GNG10: variants seen among roughly 807,000 people sequenced by gnomAD.
The protein encoded by GNG10 is G protein subunit gamma 10.
GNG10 carries 7 observed loss-of-function variants against 6.8 expected under a neutral mutation model. The observed-to-expected ratio is 1.02, with a 90% CI of 0.58 to 1.92. GNG10 has a LOEUF of 1.92. Ranked by LOEUF, GNG10 falls within the 30% of genes most tolerant of loss-of-function variation. GNG10 has a pLI of 0.00. For synonymous variants in GNG10, 28 were observed against 34.8 expected, an observed-to-expected ratio of 0.80 and a Z score of 0.69; for missense variants, 57 against 86.1, an observed-to-expected ratio of 0.66 and a Z score of 1.34.
intron 2 of GNG10, among the ~76,000 whole-genome samples, chr9:111,668,718 G>C (rs10124117): frequency 0.43 from 65,669 of 151,850 alleles, 15,817 homozygotes; most frequent in African/African-American, 0.66. Flanking sequence ...CTCCTGACCT[G>C]AGGTGACCTG....
rs1830826572 is a variant in GNG10, at chr9:111,661,939, G to T, written c.81+224G>T. 6.6e-6 allele frequency among the ~76,000 whole-genome samples: 1 copy of T among 151,856 alleles called. No homozygotes were observed. The highest frequency in any genetic ancestry group is 1.5e-5 in the Non-Finnish European group (1 of 67,918). ...CCTGGGGGGCCCCGCGGTCGTGGTC[G>T]GTCCCGGTCCCTGGGGGTGCGCCCA... On this transcript the variant is annotated intron_variant, in intron 1 of 2. Coordinates refer to ENST00000374293, the MANE Select transcript of GNG10 (RefSeq NM_001017998.4). The surrounding 1 kb of genome is among the most constrained non-coding windows in gnomAD (Gnocchi z 6.1).
chr9:111,666,700 TG>T, intron 1 of GNG10, 114 bp from the exon 2 acceptor site: 1 of 1,414,702 alleles, frequency 7.1e-7, no homozygotes, highest in Non-Finnish European at 9.3e-7. Flanking sequence ...AAGAGACTTT[TG>T]GAGGTCACAA....
Position 111,666,869 on chromosome 9 carries a change from G to A in GNG10, c.136G>A (p.Asp46Asn). 6.2e-7 allele frequency: 1 copy of A among 1,613,896 alleles called. No individual in the cohort carries two copies. The highest frequency in any genetic ancestry group is 8.5e-7 in the Non-Finnish European group (1 of 1,179,890). ...QQYCMQNACKDALLVGVPAGS... is the reference protein window; with the variant it reads ...QQYCMQNACKNALLVGVPAGS... ...GTACTGTATGCAGAATGCCTGCAAG[G>A]ATGCCCTGCTGGTGGGTGTTCCAGC... The change falls in exon 2 of 3, where the codon GAT becomes AAT. Residue 46 changes from aspartate to asparagine, a missense_variant. Asp to Asn is a conservative substitution (Grantham distance 23). Coordinates refer to ENST00000374293, the MANE Select transcript of GNG10 (RefSeq NM_001017998.4).
intron 1 of GNG10, among the ~76,000 whole-genome samples, chr9:111,662,147 G>A (rs1830831446): frequency 6.6e-6 from 1 of 152,160 alleles, no homozygotes; most frequent in Admixed American, 6.5e-5. Context: ...TCGTGACAGG[G>A]TGGACGGCGC....
intron 2 of GNG10, 91 bp downstream of exon 2, chr9:111,667,037 T>C: frequency 6.6e-7 from 1 of 1,523,352 alleles, no homozygotes; most frequent in Middle Eastern, 1.8e-4. Context: ...GAATGTCTCC[T>C]ATTCTTGGGG....
intron 1 of GNG10, among the ~76,000 whole-genome samples, chr9:111,665,331 C>T (rs1034279686): frequency 2.0e-5 from 3 of 152,134 alleles, no homozygotes; most frequent in African/African-American, 7.2e-5. Flanking sequence ...TTTTTGCTGC[C>T]TGACAAACCA....
chr9:111,666,924 C>T lies in GNG10; in HGVS notation c.191C>T (p.Ser64Phe). ...AGSNPFREPR[S>F]CALL The stretch of plus-strand genomic sequence containing the variant: ...AGTAACCCCTTCCGGGAGCCTAGAT[C>T]CTGTGCTTTACTCTGAAGACTCGTG... The change falls in exon 2 of 3, where the codon TCC becomes TTC. Residue 64 changes from serine to phenylalanine, a missense_variant. Coordinates refer to ENST00000374293, the MANE Select transcript of GNG10 (RefSeq NM_001017998.4). 6.2e-7 allele frequency: 1 copy of T among 1,614,106 alleles called. No homozygotes were observed. Among genetic ancestry groups the T allele is most frequent in the Non-Finnish European group, 8.5e-7 (1 of 1,179,992 alleles).
chr9:111,666,829 T>A lies in GNG10; in HGVS notation c.96T>A (p.Ala32=). The A allele has an allele frequency of 6.2e-7, 1 of 1,612,924 alleles. No homozygotes were observed. Among genetic ancestry groups the A allele is most frequent in the South Asian group, 1.1e-5 (1 of 91,024 alleles). The change falls in exon 2 of 3, where the codon GCT becomes GCA. Residue 32 remains alanine, a synonymous_variant. Coordinates refer to ENST00000374293, the MANE Select transcript of GNG10 (RefSeq NM_001017998.4). ...GVERIKVSQA[A]AELQQYCMQN... ...CTTTGTTTCAGGTCTCTCAGGCAGCTGCAGAGCTTCAACAGTACTGTATGC... is the reference window on the plus strand; with the variant it reads ...CTTTGTTTCAGGTCTCTCAGGCAGCAGCAGAGCTTCAACAGTACTGTATGC...
chr9:111,667,877 C>T (rs1465369050), intron 2 of GNG10, among the ~76,000 whole-genome samples: 2 of 151,954 alleles, frequency 1.3e-5, no homozygotes, highest in Non-Finnish European at 2.9e-5. Flanking sequence ...CCCTCATCGC[C>T]GAGACATCTT....
chr9:111,665,008 G>A (rs1830876620), intron 1 of GNG10, among the ~76,000 whole-genome samples: 1 of 152,058 alleles, frequency 6.6e-6, no homozygotes, highest in African/African-American at 2.4e-5. Flanking sequence ...ATTATATTAT[G>A]GTTTTATATT....
chr9:111,668,432 TCCCC>T (rs1830941390), intron 2 of GNG10, among the ~76,000 whole-genome samples: 1 of 44,834 alleles, frequency 2.2e-5, no homozygotes, highest in Non-Finnish European at 3.6e-5. Flanking sequence ...CCTTCTTCCC[TCCCC>T]TCCCCTCCCC....
intron 2 of GNG10, among the ~76,000 whole-genome samples, chr9:111,668,181 G>A (rs1589357925): frequency 6.6e-6 from 1 of 152,022 alleles, no homozygotes; most frequent in Non-Finnish European, 1.5e-5. Flanking sequence ...GAGGACAAGG[G>A]CATGAATTAT....
chr9:111,669,509 T>C lies in GNG10; in HGVS notation c.*247T>C, dbSNP rs1044571277. 5 of 151,374 alleles carry C rather than the reference T, an allele frequency of 3.3e-5. No individual in the cohort carries two copies. The highest frequency in any genetic ancestry group is 3.3e-4 in the Admixed American group (5 of 15,144). 9.4% of individuals were successfully genotyped at this position (151,374 alleles called of 1,614,324 possible). ...TTTTTTGTGCAAGTACTTTTATACA[T>C]AAGATAAACAAAAACCTTACCACCA... On this transcript the variant is annotated 3_prime_UTR_variant, in exon 3 of 3. Transcript: ENST00000374293.
chr9:111,661,753 C>A lies in GNG10; in HGVS notation c.81+38C>A. 1 of 1,224,840 alleles carries A rather than the reference C, an allele frequency of 8.2e-7. No individual in the cohort carries two copies. The highest frequency in any genetic ancestry group is 1.1e-6 in the Non-Finnish European group (1 of 948,206). The allele number at this position is 1,224,840 out of a possible 1,614,324, so 75.9% of individuals were successfully genotyped here. On this transcript the variant is annotated intron_variant, in intron 1 of 2. Transcript: ENST00000374293. The surrounding 1 kb of genome is among the most constrained non-coding windows in gnomAD (Gnocchi z 6.1). The stretch of plus-strand genomic sequence containing the variant: ...GGTACCCACGCTCCGGTCCTTCCGC[C>A]CGCGGGGCGTGAGAAGAGGAGGCCG...
chr9:111,665,653 C>T (rs1271136139), intron 1 of GNG10, among the ~76,000 whole-genome samples: 2 of 152,140 alleles, frequency 1.3e-5, no homozygotes, highest in Admixed American at 1.3e-4. Flanking sequence ...GGTGCAGAGA[C>T]TCTTGAGGAC....
chr9:111,666,031 A>G (rs1475107), intron 1 of GNG10, among the ~76,000 whole-genome samples: 74,521 of 151,254 alleles, frequency 0.49, 19,488 homozygotes, highest in African/African-American at 0.68. Flanking sequence ...CACTGCGCCC[A>G]GCCACAGTCA....
Position 111,661,806 on chromosome 9 carries a change from A to T in GNG10, c.81+91A>T, listed in dbSNP as rs1830823459. The T allele has an allele frequency of 3.4e-5, 24 of 702,412 alleles. No homozygotes were observed. Among genetic ancestry groups the T allele is most frequent in the Non-Finnish European group, 4.6e-5 (24 of 526,364 alleles). The allele number at this position is 702,412 out of a possible 1,614,324, so 43.5% of individuals were successfully genotyped here. The stretch of plus-strand genomic sequence containing the variant: ...GGCCCGGACCGGGCGCCAGCGGGGG[A>T]CTCGGTGGCGGCGGCGAGGCCTCGG... On this transcript the variant is annotated intron_variant, in intron 1 of 2. Transcript: ENST00000374293. This position sits in a 1 kb window ranked among gnomAD's most constrained non-coding sequence, Gnocchi z 6.1.
chr9:111,662,246 G>A (rs1830833715), intron 1 of GNG10, among the ~76,000 whole-genome samples: 1 of 152,090 alleles, frequency 6.6e-6, no homozygotes, highest in African/African-American at 2.4e-5. Flanking sequence ...GGAGTCATCC[G>A]GGAGGTATTT....
rs536404331 is a variant in GNG10 at position 111,661,829 on chromosome 9, C to T, written c.81+114C>T. 1.1e-5 allele frequency: 5 copies of T among 450,236 alleles called. No individual in the cohort carries two copies. Among genetic ancestry groups the T allele is most frequent in the South Asian group, 9.4e-5 (1 of 10,608 alleles). 27.9% of individuals were successfully genotyped at this position (450,236 alleles called of 1,614,324 possible). A position where few individuals can be genotyped will look rare whatever the true frequency, so the allele number is the denominator to read the frequency against. ...GGACTCGGTGGCGGCGGCGAGGCCT[C>T]GGCGGGGCGCGGGGGCGGTGGGGTC... On this transcript the variant is annotated intron_variant, in intron 1 of 2. Transcript: ENST00000374293. This position sits in a 1 kb window ranked among gnomAD's most constrained non-coding sequence, Gnocchi z 6.1.
Sources: gnomAD v4.1 joint callset for allele counts (sites outside exome capture counted in the v4.1 genomes callset) on GRCh38, gnomAD v4.1.1 for gene constraint, Gnocchi (gnomAD v3.1) non-coding constraint, MANE v1.5 for transcripts, NCBI Gene and HGNC (gene_info 2026-07-23, HGNC 2026-07-21) for gene names.